LRRTM4: variants seen among roughly 807,000 people sequenced by gnomAD.
LRRTM4 encodes the protein leucine-rich repeat transmembrane neuronal protein 4.
LRRTM4 carries 25 observed loss-of-function variants against 47.6 expected under a neutral mutation model. The observed-to-expected ratio is 0.53, with a 90% CI of 0.38 to 0.73. The LOEUF (loss-of-function observed/expected upper bound fraction) is 0.73, where lower values mean the gene tolerates loss of function less well. Ranked by LOEUF, LRRTM4 falls within the 30% of genes least tolerant of loss-of-function variation. The pLI, the probability that LRRTM4 is intolerant of heterozygous loss-of-function variation, is 0.00. For missense variants in LRRTM4, 638 were observed against 713.4 expected (o/e 0.89, Z 1.20); for synonymous variants, 311 against 269.5 (o/e 1.15, Z -1.51).
chr2:77,348,216 A>T (rs1671638590), intron 3 of LRRTM4, among the ~76,000 whole-genome samples: 1 of 151,958 alleles, frequency 6.6e-6, no homozygotes. Context: ...TATACTGTTA[A>T]ACTTAACAGT....
chr2:76,757,717 A>T (rs1326497695), intron 3 of LRRTM4, among the ~76,000 whole-genome samples: 1 of 152,172 alleles, frequency 6.6e-6, no homozygotes, highest in Non-Finnish European at 1.5e-5. Context: ...ATTTCCAATC[A>T]CATAACTTTC....
At chr2:76,925,432 C>T (rs779428009) in intron 3 of LRRTM4, among the ~76,000 whole-genome samples, 32 of 152,002 alleles carry the variant, frequency 2.1e-4, no homozygotes, top group Non-Finnish European at 3.4e-4. Flanking sequence ...GGCTCTTAGC[C>T]GAGGATCCAT....
chr2:76,773,653 AAATT>A (rs1460645013), intron 3 of LRRTM4, among the ~76,000 whole-genome samples: 2 of 151,708 alleles, frequency 1.3e-5, no homozygotes, highest in East Asian at 1.9e-4. Context: ...AATTCCCCTT[AAATT>A]AATTTAAAAA....
intron 3 of LRRTM4, among the ~76,000 whole-genome samples, chr2:77,335,221 A>T (rs142435188): frequency 6.6e-6 from 1 of 152,284 alleles, no homozygotes; most frequent in East Asian, 1.9e-4. Context: ...TATTTTATGA[A>T]AGCCTCCAAA....
At chr2:77,083,682 A>C (rs1680604571) in intron 3 of LRRTM4, among the ~76,000 whole-genome samples, 1 of 149,868 alleles carries the variant, frequency 6.7e-6, no homozygotes, top group Non-Finnish European at 1.5e-5. Flanking sequence ...AATTATTCTA[A>C]TGCTCCTTTC....
chr2:76,958,935 G>C (rs979756636), intron 3 of LRRTM4, among the ~76,000 whole-genome samples: 1 of 151,606 alleles, frequency 6.6e-6, no homozygotes, highest in Non-Finnish European at 1.5e-5. Context: ...GAAAACGCTT[G>C]TGTAGAGCTT....
In LRRTM4 at chr2:76,822,892, G is replaced by C. The variant is rs557946570; in HGVS notation, c.1552-73976C>G. On this transcript the variant is annotated intron_variant, in intron 3 of 3. Coordinates refer to ENST00000409884, the MANE Select transcript of LRRTM4 (RefSeq NM_001134745.3). ...ATTGTTGAACTCTTTCTCCAGTCAA[G>C]ACTTTACCCATATAAAAGTAATAAA... Among the ~76,000 whole-genome samples, 3 of 151,376 alleles carry C rather than the reference G, an allele frequency of 2.0e-5. No homozygotes were observed. The South Asian group carries it at 6.2e-4, about 31-fold the overall frequency.
At chr2:77,092,203 T>C (rs371623622) in intron 3 of LRRTM4, among the ~76,000 whole-genome samples, 1,898 of 152,210 alleles carry the variant, frequency 0.012, 46 homozygotes, top group African/African-American at 0.043. Flanking sequence ...CCACAATTAC[T>C]GTTGTTCCTG....
chr2:77,267,156 G>T (rs1197214624), intron 3 of LRRTM4, among the ~76,000 whole-genome samples: 8 of 152,144 alleles, frequency 5.3e-5, no homozygotes. Flanking sequence ...AGCAGAAAAT[G>T]AAGCAATTGA....
chr2:76,950,751 A>T (rs1335603068), intron 3 of LRRTM4, among the ~76,000 whole-genome samples: 1 of 152,036 alleles, frequency 6.6e-6, no homozygotes, highest in African/African-American at 2.4e-5. Context: ...TCTAATACTT[A>T]CAAAAATAAA....
At chr2:77,077,610 G>C (rs72927322) in intron 3 of LRRTM4, among the ~76,000 whole-genome samples, 3,100 of 152,168 alleles carry the variant, frequency 0.02, 115 homozygotes, top group African/African-American at 0.07. Flanking sequence ...TCAGTGATCT[G>C]GGAACCTACT....
intron 3 of LRRTM4, among the ~76,000 whole-genome samples, chr2:77,091,388 G>A: frequency 6.9e-6 from 1 of 145,548 alleles, no homozygotes; most frequent in Non-Finnish European, 1.5e-5. Context: ...ACTTTAAAAA[G>A]ATTAAAGCCT....
chr2:77,445,417 C>T (rs1042161689), intron 3 of LRRTM4, among the ~76,000 whole-genome samples: 1 of 151,838 alleles, frequency 6.6e-6, no homozygotes, highest in African/African-American at 2.4e-5. Flanking sequence ...TCTCTTCTAC[C>T]ACTTGTACAC....
At chr2:76,925,002 G>C (rs1333714960) in intron 3 of LRRTM4, among the ~76,000 whole-genome samples, 1 of 152,080 alleles carries the variant, frequency 6.6e-6, no homozygotes, top group Non-Finnish European at 1.5e-5. Context: ...GGGTGAGAGA[G>C]ACTTGTAACT....
intron 3 of LRRTM4, chr2:76,987,390 C>G (rs548631260): frequency 1.2e-4 from 18 of 151,850 alleles, no homozygotes; most frequent in Middle Eastern, 3.4e-3. Context: ...TCTATATATT[C>G]TCTTGGTAAT....
chr2:76,764,354 G>C lies in LRRTM4; in HGVS notation c.1552-15438C>G, dbSNP rs180863820. ...ATTAAGAATTATATAAACTGAGGCA[G>C]GGCGCAGTGGCTCACGCCTGTAATC... On this transcript the variant is annotated intron_variant, in intron 3 of 3. Transcript: ENST00000409884. Among the ~76,000 whole-genome samples the C allele has an allele frequency of 3.8e-3, 575 of 152,302 alleles. 6 individuals carry two copies. Among genetic ancestry groups the C allele is most frequent in the African/African-American group, 0.013 (551 of 41,582 alleles).
intron 3 of LRRTM4, among the ~76,000 whole-genome samples, chr2:76,845,834 T>C (rs1671822028): frequency 2.6e-5 from 4 of 152,024 alleles, no homozygotes; most frequent in African/African-American, 9.7e-5. Context: ...TCTGGTTCAA[T>C]GCCCTAGGGA....
Position 76,872,414 on chromosome 2 carries a change from G to A in LRRTM4, c.1552-123498C>T, listed in dbSNP as rs185694340. ...TTCTTTGAGTGCTACTCCCTACTTG[G>A]CTATATTGCTCTCTTTTTGAAGTGC... On this transcript the variant is annotated intron_variant, in intron 3 of 3. Transcript: ENST00000409884. Among the ~76,000 whole-genome samples, 46 of 152,006 alleles carry A rather than the reference G, an allele frequency of 3.0e-4. 1 individual carries two copies. The East Asian group carries it at 5.1e-3, about 17-fold the overall frequency.
intron 3 of LRRTM4, among the ~76,000 whole-genome samples, chr2:76,827,478 G>C (rs559771844): frequency 1.3e-5 from 2 of 151,906 alleles, no homozygotes; most frequent in African/African-American, 4.8e-5. Flanking sequence ...TCCTGTGAAT[G>C]CAACTCAGAT....
Sources: allele counts gnomAD v4.1 joint callset (sites outside exome capture counted in the v4.1 genomes callset), GRCh38; gene constraint gnomAD v4.1.1; transcripts MANE v1.5; gene names NCBI Gene and HGNC (gene_info 2026-07-23, HGNC 2026-07-21).